Variants in CNTNAP3B observed in about 807,000 individuals in gnomAD.
CNTNAP3B encodes contactin associated protein family member 3B, also known as contactin-associated protein-like 3B.
In CNTNAP3B, 25 loss-of-function variants were observed where a neutral mutation model predicts 108.9. The observed-to-expected ratio is 0.23, with a 90% CI of 0.17 to 0.32. The LOEUF (loss-of-function observed/expected upper bound fraction) is 0.32, where lower values mean the gene tolerates loss of function less well. CNTNAP3B is among the 10% of genes least tolerant of loss of function. The pLI is 1.00. For missense variants in CNTNAP3B, 252 were observed against 1,210.4 expected, an observed-to-expected ratio of 0.21 and a Z score of 11.75; for synonymous variants, 103 against 473.4, an observed-to-expected ratio of 0.22 and a Z score of 10.16.
In CNTNAP3B at chr9:41,960,896, TAGG is replaced by T. The variant is rs746688302; in HGVS notation, c.1757-7_1757-5del. ...TCACAAGACTGCTCGTAGAGAGCTG[TAGG>T]AGAACACCAGCCATAAGAACCAGAA... On this transcript the variant is annotated splice_region_variant and splice_polypyrimidine_tract_variant and intron_variant, in intron 11 of 23. Coordinates refer to ENST00000377561, the MANE Select transcript of CNTNAP3B (RefSeq NM_001201380.3). 347 of 1,610,308 alleles carry T rather than the reference TAGG, an allele frequency of 2.2e-4. No individual in the cohort carries two copies. The African/African-American group carries it at 2.7e-3, about 12-fold the overall frequency.
At chr9:41,935,052 T>C (rs1218936229) in intron 14 of CNTNAP3B, among the ~76,000 whole-genome samples, 3 of 152,192 alleles carry the variant, frequency 2.0e-5, no homozygotes, top group Non-Finnish European at 4.4e-5. Flanking sequence ...TTTTAGAGAA[T>C]ATATTGGTCT....
At chr9:41,965,730 G>T (rs1485729727) in intron 10 of CNTNAP3B, among the ~76,000 whole-genome samples, 24 of 152,140 alleles carry the variant, frequency 1.6e-4, no homozygotes, top group Admixed American at 2.0e-4. Context: ...TAACAGAAGA[G>T]GGGCTGGGAG....
chr9:42,017,123 T>A (rs1414002513), intron 3 of CNTNAP3B, among the ~76,000 whole-genome samples: 1 of 141,626 alleles, frequency 7.1e-6, no homozygotes, highest in Non-Finnish European at 1.5e-5. Flanking sequence ...TGGCTTGGAG[T>A]CCACTCACAT....
chr9:42,097,956 G>C (rs2118685924), intron 2 of CNTNAP3B, among the ~76,000 whole-genome samples: 1 of 138,066 alleles, frequency 7.2e-6, no homozygotes, highest in Non-Finnish European at 1.5e-5. Context: ...AGCTGAGGGG[G>C]AGATCCATGG....
intron 9 of CNTNAP3B, among the ~76,000 whole-genome samples, chr9:41,978,775 AAG>A (rs1825567218): frequency 7.1e-6 from 1 of 141,022 alleles, no homozygotes; most frequent in Non-Finnish European, 1.5e-5. Flanking sequence ...GGAATTTGGT[AAG>A]AGAGCAGATT....
chr9:41,934,610 A>T (rs1824098156), intron 14 of CNTNAP3B, among the ~76,000 whole-genome samples: 2 of 152,406 alleles, frequency 1.3e-5, no homozygotes, highest in South Asian at 4.1e-4. Context: ...GATAGAGTTC[A>T]AGTTTATCCC....
chr9:41,919,497 A>G (rs1823611056), intron 18 of CNTNAP3B, among the ~76,000 whole-genome samples: 1 of 152,308 alleles, frequency 6.6e-6, no homozygotes, highest in African/African-American at 2.4e-5. Flanking sequence ...CAAACATCAT[A>G]GAGCAAAGTG....
At chr9:41,948,242 C>A in intron 13 of CNTNAP3B, among the ~76,000 whole-genome samples, 1 of 146,092 alleles carries the variant, frequency 6.8e-6, no homozygotes, top group Non-Finnish European at 1.5e-5. Context: ...TAGGTGTGTG[C>A]CACCACACCC....
intron 13 of CNTNAP3B, among the ~76,000 whole-genome samples, chr9:41,948,275 G>A (rs1416197708): frequency 6.6e-6 from 1 of 150,420 alleles, no homozygotes; most frequent in African/African-American, 2.4e-5. Context: ...TATTTTTAGT[G>A]GAGACGGGGT....
chr9:41,914,872 T>TAAG (rs1823485150), intron 18 of CNTNAP3B, among the ~76,000 whole-genome samples: 1 of 35,490 alleles, frequency 2.8e-5, no homozygotes, highest in Non-Finnish European at 5.8e-5. Context: ...TTATCCTCAT[T>TAAG]CAGTACCACA....
Position 42,042,337 on chromosome 9 carries a change from TA to T in CNTNAP3B, c.391-28813del, listed in dbSNP as rs748686107. Among the ~76,000 whole-genome samples, 11 of 130,082 alleles carry T rather than the reference TA, an allele frequency of 8.5e-5. 1 individual carries two copies. Among genetic ancestry groups the T allele is most frequent in the Admixed American group, 4.7e-4 (6 of 12,892 alleles). The allele number at this position is 130,082 out of a possible 152,430, so 85.3% of individuals were successfully genotyped here. A position where few individuals can be genotyped will look rare whatever the true frequency, so the allele number is the denominator to read the frequency against. ...TTAGAGAGTTGTCAATTTTCGCTCTTATAAACAATGCTGCAACCCTGTAAAT... is the reference window on the plus strand; with the variant it reads ...TTAGAGAGTTGTCAATTTTCGCTCTTTAAACAATGCTGCAACCCTGTAAAT... On this transcript the variant is annotated intron_variant, in intron 3 of 23. Coordinates refer to ENST00000377561, the MANE Select transcript of CNTNAP3B (RefSeq NM_001201380.3).
chr9:42,054,805 T>A (rs1417808761), intron 3 of CNTNAP3B, among the ~76,000 whole-genome samples: 1 of 151,556 alleles, frequency 6.6e-6, no homozygotes, highest in Non-Finnish European at 1.5e-5. Flanking sequence ...TAACTTGAGA[T>A]ACAGTTTTGT....
At chr9:42,110,156 C>CTA (rs562767530) in intron 1 of CNTNAP3B, among the ~76,000 whole-genome samples, 1 of 123,240 alleles carries the variant, frequency 8.1e-6, no homozygotes, top group Non-Finnish European at 1.7e-5. Flanking sequence ...AATGAACACA[C>CTA]TTTATATGGA....
At chr9:41,927,804 A>G (rs1823861320) in intron 15 of CNTNAP3B, among the ~76,000 whole-genome samples, 3 of 152,290 alleles carry the variant, frequency 2.0e-5, no homozygotes, top group African/African-American at 7.2e-5. Context: ...ACAGCTGATA[A>G]CAAATTACTG....
chr9:42,127,112 G>A, intron 1 of CNTNAP3B, among the ~76,000 whole-genome samples: 1 of 138,708 alleles, frequency 7.2e-6, no homozygotes, highest in East Asian at 2.2e-4. Flanking sequence ...TTTAAAATTA[G>A]TAAAATTTAT....
chr9:42,103,332 AATGCCAGAAC>A lies in CNTNAP3B; in HGVS notation c.196+1287_196+1296del, dbSNP rs1828035820. On this transcript the variant is annotated intron_variant, in intron 2 of 23. Transcript: ENST00000377561. The stretch of plus-strand genomic sequence containing the variant: ...TTTCATAGCCATACTGCCTATAACA[AATGCCAGAAC>A]ATATTTATTTGGTCCAATGTGCAAT... Among the ~76,000 whole-genome samples the A allele has an allele frequency of 5.4e-5, 8 of 148,594 alleles. No individual in the cohort carries two copies. The South Asian group carries it at 1.7e-3, about 31-fold the overall frequency.
intron 14 of CNTNAP3B, among the ~76,000 whole-genome samples, chr9:41,930,810 T>C (rs1264438430): frequency 1.3e-5 from 2 of 152,192 alleles, no homozygotes; most frequent in Non-Finnish European, 2.9e-5. Context: ...ATTTTGTCTC[T>C]GGCCAAAATA....
In CNTNAP3B at chr9:41,953,225, G is replaced by A. The variant is rs1182683076; in HGVS notation, c.2038C>T (p.Leu680=). 7.2e-6 allele frequency: 11 copies of A among 1,529,660 alleles called. No individual in the cohort carries two copies. The highest frequency in any genetic ancestry group is 1.2e-5 in the South Asian group (1 of 83,660). The allele number at this position is 1,529,660 out of a possible 1,614,324, so 94.8% of individuals were successfully genotyped here. ...VNLAERCEQR[L]ALRCGTARRP... ...CGCGCTGTCCCGCAGCGCAGAGCCA[G>A]CCGCTGCTCGCAGCGCTCCGCCAGG... The change falls in exon 13 of 24, where the codon CTG becomes TTG. Residue 680 remains leucine, a synonymous_variant. Transcript: ENST00000377561.
intron 14 of CNTNAP3B, among the ~76,000 whole-genome samples, chr9:41,931,051 A>G (rs1823963532): frequency 1.3e-5 from 2 of 152,300 alleles, no homozygotes; most frequent in African/African-American, 4.8e-5. Flanking sequence ...CACAGTATCT[A>G]GTAAATACTG....
Sources: allele counts gnomAD v4.1 joint callset (sites outside exome capture counted in the v4.1 genomes callset), GRCh38; gene constraint gnomAD v4.1.1; transcripts MANE v1.5; gene names NCBI Gene and HGNC (gene_info 2026-07-23, HGNC 2026-07-21).